Variants in DPF3 observed in about 807,000 individuals in gnomAD.
DPF3 encodes the protein zinc finger protein DPF3.
In DPF3, 18 loss-of-function variants were observed where a neutral mutation model predicts 56.8. The ratio of observed to expected loss-of-function variants is 0.32; its 90% CI spans 0.22 to 0.47. The LOEUF is 0.47. Ranked by LOEUF, DPF3 falls within the 20% of genes least tolerant of loss-of-function variation. The probability of loss-of-function intolerance (pLI) is 1.00; values close to 1 mark genes in which losing one functional copy is unlikely to be tolerated. For missense variants in DPF3, 403 were observed against 488.8 expected (o/e 0.82, Z 1.65); for synonymous variants, 188 against 180.2 (o/e 1.04, Z -0.35).
intron 1 of DPF3, among the ~76,000 whole-genome samples, chr14:72,795,746 C>T (rs561447036): frequency 6.6e-6 from 1 of 152,238 alleles, no homozygotes; most frequent in East Asian, 1.9e-4. Context: ...GCAGAGACAA[C>T]CAAAGATCTA....
intron 3 of DPF3, among the ~76,000 whole-genome samples, chr14:72,750,805 A>AC (rs1890540302): frequency 1.3e-5 from 2 of 150,830 alleles, no homozygotes. Context: ...AAAAAAAAAA[A>AC]AAAAAAAAAA....
chr14:72,781,454 G>T (rs1256050157), intron 1 of DPF3, among the ~76,000 whole-genome samples: 1 of 152,178 alleles, frequency 6.6e-6, no homozygotes, highest in Non-Finnish European at 1.5e-5. Flanking sequence ...CTTCGATGTG[G>T]CTCAGTCTGA....
rs1183442322 is a variant in DPF3, at chr14:72,614,291, C to T, written c.*5006G>A. ...GGTTCAGGTAGGGAGATTCATAGGC[C>T]TGAGGCAAATTAAAACAGCTGTTCC... On this transcript the variant is annotated 3_prime_UTR_variant, in exon 11 of 11. Transcript: ENST00000556509. Among the ~76,000 whole-genome samples the T allele has an allele frequency of 2.0e-5, 3 of 152,194 alleles. No homozygotes were observed. The highest frequency in any genetic ancestry group is 7.2e-5 in the African/African-American group (3 of 41,444).
At chr14:72,832,372 A>G (rs1458244387) in intron 1 of DPF3, among the ~76,000 whole-genome samples, 1 of 152,218 alleles carries the variant, frequency 6.6e-6, no homozygotes, top group African/African-American at 2.4e-5. Context: ...GCTAGGGACT[A>G]ATATCCTTAG....
At chr14:72,804,943 C>T (rs1346963038) in intron 1 of DPF3, among the ~76,000 whole-genome samples, 12 of 151,918 alleles carry the variant, frequency 7.9e-5, no homozygotes. Context: ...CTATCTGCCA[C>T]ATGCTAGGCA....
chr14:72,822,993 T>G (rs995871263), intron 1 of DPF3, among the ~76,000 whole-genome samples: 1 of 152,218 alleles, frequency 6.6e-6, no homozygotes, highest in African/African-American at 2.4e-5. Context: ...GACTAGAATC[T>G]TCTTTTGAGA....
At chr14:72,738,605 T>C (rs547396233) in intron 3 of DPF3, among the ~76,000 whole-genome samples, 25 of 151,704 alleles carry the variant, frequency 1.6e-4, no homozygotes, top group African/African-American at 4.8e-4. Context: ...GTGGACAGAG[T>C]GCGGGCAGCA....
chr14:72,773,762 C>T (rs1013718285), intron 1 of DPF3: 18 of 450,308 alleles, frequency 4.0e-5, no homozygotes, highest in African/African-American at 3.4e-4. Flanking sequence ...GCATAATATC[C>T]TCAGGGTTAA....
At chr14:72,712,196 A>T (rs1403116375) in intron 6 of DPF3, among the ~76,000 whole-genome samples, 1 of 152,164 alleles carries the variant, frequency 6.6e-6, no homozygotes, top group East Asian at 1.9e-4. Context: ...TACAGGGCAC[A>T]CAGAAGGTGG....
chr14:72,777,831 C>T (rs1051471229), intron 1 of DPF3, among the ~76,000 whole-genome samples: 17 of 152,156 alleles, frequency 1.1e-4, no homozygotes, highest in Non-Finnish European at 2.5e-4. Flanking sequence ...TCCCCAGAAG[C>T]CAAGCAGATG....
intron 8 of DPF3, among the ~76,000 whole-genome samples, chr14:72,630,791 T>A (rs1270892315): frequency 6.6e-6 from 1 of 152,218 alleles, no homozygotes; most frequent in African/African-American, 2.4e-5. Flanking sequence ...GCACTCACCG[T>A]TCTCCAGAGC....
intron 1 of DPF3, among the ~76,000 whole-genome samples, chr14:72,872,911 T>TA (rs1885960266): frequency 6.6e-6 from 1 of 152,178 alleles, no homozygotes; most frequent in Non-Finnish European, 1.5e-5. Context: ...CACCTTATAC[T>TA]AAAATTAATT....
intron 6 of DPF3, among the ~76,000 whole-genome samples, chr14:72,707,904 C>T (rs1309084176): frequency 6.6e-6 from 1 of 151,396 alleles, no homozygotes; most frequent in Admixed American, 6.6e-5. Flanking sequence ...CTTTGCGTAT[C>T]TGTAATTCCT....
At chr14:72,660,233 A>G (rs1032415259) in intron 8 of DPF3, among the ~76,000 whole-genome samples, 51 of 149,440 alleles carry the variant, frequency 3.4e-4, no homozygotes, top group African/African-American at 1.2e-3. Context: ...AATAAAAAGG[A>G]AAAAAAAAAC....
intron 1 of DPF3, among the ~76,000 whole-genome samples, chr14:72,835,484 T>C (rs1884253068): frequency 6.6e-6 from 1 of 152,202 alleles, no homozygotes; most frequent in Admixed American, 6.5e-5. Context: ...TTTTATGTTG[T>C]GTGAATTTTC....
At chr14:72,840,314 T>A (rs1024047991) in intron 1 of DPF3, among the ~76,000 whole-genome samples, 1 of 152,210 alleles carries the variant, frequency 6.6e-6, no homozygotes. Flanking sequence ...TGATTTTTTT[T>A]ATTTATTTAT....
intron 1 of DPF3, among the ~76,000 whole-genome samples, chr14:72,838,327 C>T (rs1371470805): frequency 6.6e-6 from 1 of 152,012 alleles, no homozygotes; most frequent in African/African-American, 2.4e-5. Context: ...AACTTTGTCT[C>T]TACTAAAAAT....
In DPF3 at chr14:72,865,523, A is replaced by G. The variant is rs75295561; in HGVS notation, c.32+28534T>C. ...TCTTGAACAAATCTGGGGTGAAATC[A>G]TCGGCTGAGAGCAGAGAGATGGAAA... On this transcript the variant is annotated intron_variant, in intron 1 of 10. Coordinates refer to ENST00000556509, the MANE Select transcript of DPF3 (RefSeq NM_001280542.3). 4.7e-3 allele frequency among the ~76,000 whole-genome samples: 713 copies of G among 152,328 alleles called. 14 individuals carry two copies. Among genetic ancestry groups the G allele is most frequent in the East Asian group, 0.039 (201 of 5,188 alleles).
At chr14:72,787,356 C>T (rs768055400) in intron 1 of DPF3, among the ~76,000 whole-genome samples, 4 of 152,226 alleles carry the variant, frequency 2.6e-5, no homozygotes, top group Non-Finnish European at 5.9e-5. Context: ...AACTTAGTCA[C>T]TTTGGGTTTT....
Sources: allele counts gnomAD v4.1 joint callset (sites outside exome capture counted in the v4.1 genomes callset), GRCh38; gene constraint gnomAD v4.1.1; transcripts MANE v1.5; gene names NCBI Gene and HGNC (gene_info 2026-07-23, HGNC 2026-07-21).